The following SMARCB1 variants were observed in gnomAD, a reference collection of about 807,000 sequenced individuals.
SMARCB1 encodes the protein SWI/SNF related BAF chromatin remodeling complex subunit B1.
A neutral mutation model predicts 49.0 loss-of-function variants in SMARCB1; 5 were observed. The ratio of observed to expected loss-of-function variants is 0.10; its 90% CI spans 0.05 to 0.21. SMARCB1 has a LOEUF of 0.21. Ranked by LOEUF, SMARCB1 falls within the 10% of genes least tolerant of loss-of-function variation. SMARCB1 has a pLI of 1.00. For synonymous variants in SMARCB1, 201 were observed against 200.1 expected (o/e 1.00, Z -0.04); for missense variants, 226 against 509.2 (o/e 0.44, Z 5.35).
rs1010561976 is a variant in SMARCB1, at chr22:23,809,275, C to A, written c.628+5853C>A. 1.2e-3 allele frequency among the ~76,000 whole-genome samples: 167 copies of A among 134,346 alleles called. 2 individuals are homozygous for A. In the South Asian group the frequency reaches 0.03, roughly 24 times the overall value. The allele number at this position is 134,346 out of a possible 152,430, so 88.1% of individuals were successfully genotyped here. Reference sequence around the variant, plus strand: ...TCAGGAATGAACGATATTGGACATTCTTTTTTTTTTTTTTTTTGAGACGGA... The same window carrying A: ...TCAGGAATGAACGATATTGGACATTATTTTTTTTTTTTTTTTTGAGACGGA... On this transcript the variant is annotated intron_variant, in intron 5 of 8. Coordinates refer to ENST00000644036, the MANE Select transcript of SMARCB1 (RefSeq NM_003073.5).
In SMARCB1 at chr22:23,835,994, C is replaced by A. The variant is rs1423414176; in HGVS notation, c.*1814C>A. 2.8e-5 allele frequency: 28 copies of A among 985,358 alleles called. No individual in the cohort carries two copies. The highest frequency in any genetic ancestry group is 5.2e-5 in the African/African-American group (3 of 57,238). 61.0% of individuals were successfully genotyped at this position (985,358 alleles called of 1,614,324 possible). A position where few individuals can be genotyped will look rare whatever the true frequency, so the allele number is the denominator to read the frequency against. ...GACAACCTGTCTTTGGAGGAGGCCC[C>A]GTGCCACTGAGCATCCAGAAATAAA... is the stretch of plus-strand genomic sequence containing the variant. On this transcript the variant is annotated 3_prime_UTR_variant, in exon 9 of 9. Transcript: ENST00000644036.
chr22:23,806,141 G>A (rs1480327763), intron 5 of SMARCB1, among the ~76,000 whole-genome samples: 2 of 152,204 alleles, frequency 1.3e-5, no homozygotes, highest in South Asian at 2.1e-4. Context: ...AGAATGAGAC[G>A]TGAAAATCAT....
chr22:23,828,234 G>T (rs1019157932), intron 7 of SMARCB1, among the ~76,000 whole-genome samples: 47 of 152,190 alleles, frequency 3.1e-4, no homozygotes, highest in Admixed American at 2.9e-3. Context: ...TGTGTTTTTA[G>T]TAGAGACGGG....
intron 4 of SMARCB1, chr22:23,801,428 T>G: frequency 1.7e-6 from 1 of 595,316 alleles, no homozygotes. Flanking sequence ...TGACTCCCAC[T>G]GTGCCACCAT....
chr22:23,805,890 CT>C (rs1929464503), intron 5 of SMARCB1, among the ~76,000 whole-genome samples: 1 of 152,212 alleles, frequency 6.6e-6, no homozygotes, highest in Non-Finnish European at 1.5e-5. Flanking sequence ...CGTTACCTTT[CT>C]TTGGGCAACA....
At chr22:23,796,982 G>A (rs1928789533) in intron 3 of SMARCB1, among the ~76,000 whole-genome samples, 1 of 151,640 alleles carries the variant, frequency 6.6e-6, no homozygotes, top group Non-Finnish European at 1.5e-5. Context: ...GGATTGCAAT[G>A]GAAGGAAGGT....
chr22:23,796,081 CTG>C (rs1928733463), intron 3 of SMARCB1, among the ~76,000 whole-genome samples: 1 of 152,178 alleles, frequency 6.6e-6, no homozygotes, highest in Admixed American at 6.5e-5. Context: ...GTGTGAGCCA[CTG>C]TGCCCAGCCG....
At chr22:23,806,776 G>A (rs1929521595) in intron 5 of SMARCB1, among the ~76,000 whole-genome samples, 1 of 152,006 alleles carries the variant, frequency 6.6e-6, no homozygotes, top group African/African-American at 2.4e-5. Flanking sequence ...ATAAAAATTA[G>A]TCGGATGTGG....
chr22:23,801,918 C>T (rs750352097), intron 4 of SMARCB1: 2 of 163,152 alleles, frequency 1.2e-5, no homozygotes, highest in East Asian at 1.8e-4. Flanking sequence ...GCCTGAAGAC[C>T]TCTCCATCTC....
intron 5 of SMARCB1, 174 bp from the exon 6 acceptor site, chr22:23,816,596 A>G (rs1449683601): frequency 1.4e-6 from 1 of 700,498 alleles, no homozygotes; most frequent in Admixed American, 2.0e-5. Flanking sequence ...GGGGCCTGCT[A>G]GTCATGTGCT....
intron 7 of SMARCB1, 62 bp from the exon 8 acceptor site, chr22:23,833,510 T>C: frequency 6.2e-7 from 1 of 1,611,218 alleles, no homozygotes; most frequent in Non-Finnish European, 8.5e-7. Context: ...GCCAAAGCTT[T>C]CTGAGGATTC....
At position 23,789,721 on chromosome 22, in the gene SMARCB1, T is replaced by C. The variant is rs146778000; in HGVS notation, c.94-2035T>C. On this transcript the variant is annotated intron_variant, in intron 1 of 8. Transcript: ENST00000644036. ...CAGTTGGAGAGGCAGTTTGTTCTTT[T>C]GGGCCTGACTTAATCATCAGACCTT... Among the ~76,000 whole-genome samples, 10 of 152,338 alleles carry C rather than the reference T, an allele frequency of 6.6e-5. No individual in the cohort carries two copies. The East Asian group carries it at 1.7e-3, about 26-fold the overall frequency.
intron 6 of SMARCB1, among the ~76,000 whole-genome samples, chr22:23,821,029 G>C (rs2030057611): frequency 6.6e-6 from 1 of 152,216 alleles, no homozygotes; most frequent in Non-Finnish European, 1.5e-5. Flanking sequence ...TTGTTGTCTT[G>C]ACGGGGCCTG....
intron 7 of SMARCB1, among the ~76,000 whole-genome samples, chr22:23,827,406 C>A (rs1213047144): frequency 6.6e-6 from 1 of 152,218 alleles, no homozygotes; most frequent in African/African-American, 2.4e-5. Flanking sequence ...AAGTTCCGGG[C>A]CCTCTGCAGT....
At chr22:23,791,604 C>T (rs535399402) in intron 1 of SMARCB1, 152 bp from the exon 2 acceptor site, 11 of 779,806 alleles carry the variant, frequency 1.4e-5, no homozygotes, top group Admixed American at 8.6e-5. Context: ...CCCTTCATAT[C>T]AGCAGAATGT....
In SMARCB1 at chr22:23,836,526, C is replaced by T; in HGVS notation, c.*2346C>T. 1.3e-5 allele frequency: 13 copies of T among 1,038,646 alleles called. No individual in the cohort carries two copies. Among genetic ancestry groups the T allele is most frequent in the Non-Finnish European group, 1.5e-5 (13 of 866,022 alleles). 64.3% of individuals were successfully genotyped at this position (1,038,646 alleles called of 1,614,324 possible). ...TGGGGCCAGGATGAGAACCCTGAGCCTGTCACCTGTGAGCTCAAAAGCTCT... is the reference window on the plus strand; with the variant it reads ...TGGGGCCAGGATGAGAACCCTGAGCTTGTCACCTGTGAGCTCAAAAGCTCT... On this transcript the variant is annotated 3_prime_UTR_variant, in exon 9 of 9. Transcript: ENST00000644036.
rs796620446 is a variant in SMARCB1 at position 23,835,026 on chromosome 22, G to A, written c.*846G>A. 3.5e-6 allele frequency: 5 copies of A among 1,421,346 alleles called. No individual in the cohort carries two copies. In the African/African-American group the frequency reaches 7.2e-5, roughly 21 times the overall value. 88.0% of individuals were successfully genotyped at this position (1,421,346 alleles called of 1,614,324 possible). A position where few individuals can be genotyped will look rare whatever the true frequency, so the allele number is the denominator to read the frequency against. Reference sequence around the variant, plus strand: ...TAGCTCCAGTGGCACCCATAGCCAGGTCAGCTGGGGCCCTTTCCCACCCCA... The same window carrying A: ...TAGCTCCAGTGGCACCCATAGCCAGATCAGCTGGGGCCCTTTCCCACCCCA... On this transcript the variant is annotated 3_prime_UTR_variant, in exon 9 of 9. Coordinates refer to ENST00000644036, the MANE Select transcript of SMARCB1 (RefSeq NM_003073.5).
intron 5 of SMARCB1, among the ~76,000 whole-genome samples, chr22:23,808,853 C>T (rs1929684178): frequency 6.6e-6 from 1 of 151,832 alleles, no homozygotes; most frequent in South Asian, 2.1e-4. Flanking sequence ...CATGTGCCAC[C>T]ATACCCGGTT....
chr22:23,791,985 G>A (rs1274460278), intron 2 of SMARCB1, 91 bp downstream of exon 2: 1 of 1,411,760 alleles, frequency 7.1e-7, no homozygotes, highest in Non-Finnish European at 9.9e-7. Flanking sequence ...TGTCTTCACT[G>A]CAGCCTTGGC....
Sources: gnomAD v4.1 joint callset for allele counts (sites outside exome capture counted in the v4.1 genomes callset) on GRCh38, gnomAD v4.1.1 for gene constraint, MANE v1.5 for transcripts, NCBI Gene and HGNC (gene_info 2026-07-23, HGNC 2026-07-21) for gene names.